MSI2: variants seen among roughly 807,000 people sequenced by gnomAD.
MSI2 encodes the protein RNA-binding protein Musashi homolog 2.
MSI2 carries 17 observed loss-of-function variants against 45.6 expected under a neutral mutation model. The ratio of observed to expected loss-of-function variants is 0.37; its 90% CI spans 0.26 to 0.56. MSI2 has a LOEUF of 0.56. Ranked by LOEUF, MSI2 falls within the 20% of genes least tolerant of loss-of-function variation. The pLI is 0.77. For synonymous variants in MSI2, 156 were observed against 158.2 expected (o/e 0.99, Z 0.11); for missense variants, 293 against 444.2 (o/e 0.66, Z 3.06).
intron 5 of MSI2, among the ~76,000 whole-genome samples, chr17:57,320,852 T>C (rs1258216263): frequency 1.3e-5 from 2 of 152,116 alleles, no homozygotes; most frequent in Admixed American, 6.5e-5. Flanking sequence ...TACAAAGGGC[T>C]CTGGCAGCTG....
At chr17:57,590,519 T>C (rs566204540) in intron 7 of MSI2, among the ~76,000 whole-genome samples, 6 of 152,254 alleles carry the variant, frequency 3.9e-5, no homozygotes, top group Non-Finnish European at 7.3e-5. Flanking sequence ...GTTAAATGCT[T>C]ATCTCTTAAA....
chr17:57,366,959 A>G (rs971489578), intron 5 of MSI2, among the ~76,000 whole-genome samples: 2 of 152,136 alleles, frequency 1.3e-5, no homozygotes, highest in Non-Finnish European at 2.9e-5. Flanking sequence ...CCTCTCTCCT[A>G]TCTAAATATA....
At chr17:57,349,173 G>T (rs62058055) in intron 5 of MSI2, among the ~76,000 whole-genome samples, 1 of 152,028 alleles carries the variant, frequency 6.6e-6, no homozygotes, top group African/African-American at 2.4e-5. Flanking sequence ...CCAGGCTCTC[G>T]TCTCGGAGCC....
intron 5 of MSI2, among the ~76,000 whole-genome samples, chr17:57,344,944 TC>T (rs34173212): frequency 0.094 from 14,230 of 152,148 alleles, 821 homozygotes; most frequent in Non-Finnish European, 0.14. Flanking sequence ...GTGCCTGTAA[TC>T]CCAGCTACTC....
intron 8 of MSI2, among the ~76,000 whole-genome samples, chr17:57,603,372 T>C (rs1906135587): frequency 2.6e-5 from 4 of 152,204 alleles, no homozygotes; most frequent in African/African-American, 9.6e-5. Context: ...CAAGAGAGCC[T>C]TGGAACCTGA....
chr17:57,594,793 G>A (rs888326889), intron 7 of MSI2, among the ~76,000 whole-genome samples: 2 of 150,554 alleles, frequency 1.3e-5, no homozygotes, highest in Non-Finnish European at 2.9e-5. Flanking sequence ...CTTTTACTGG[G>A]TGACACTGGG....
At chr17:57,692,800 A>G in the MSI2 span, among the ~76,000 whole-genome samples, 1 of 151,444 alleles carries the variant, frequency 6.6e-6, no homozygotes, top group Admixed American at 6.6e-5. Context: ...TTGATGCTAA[A>G]TCTACTGTTG....
chr17:57,353,372 G>C (rs1473808514), intron 5 of MSI2, among the ~76,000 whole-genome samples: 1 of 152,132 alleles, frequency 6.6e-6, no homozygotes, highest in Non-Finnish European at 1.5e-5. Context: ...TGATTGATTC[G>C]ATGTGATTCC....
chr17:57,319,168 G>A (rs1288476190), intron 5 of MSI2, among the ~76,000 whole-genome samples: 1 of 152,254 alleles, frequency 6.6e-6, no homozygotes, highest in Non-Finnish European at 1.5e-5. Flanking sequence ...TGGTTGTAAA[G>A]GAGGTGTTCA....
upstream of MSI2, among the ~76,000 whole-genome samples, chr17:57,256,246 C>A (rs1401994332): frequency 6.6e-6 from 1 of 151,908 alleles, no homozygotes; most frequent in Non-Finnish European, 1.5e-5. Flanking sequence ...GGTGCGCTCC[C>A]CCTCGCCCTG....
chr17:57,633,142 CT>C (rs1326263855), intron 10 of MSI2: 5 of 1,022,364 alleles, frequency 4.9e-6, no homozygotes, highest in Admixed American at 5.8e-5. Context: ...TTTTTTTCCC[CT>C]GTAAGCAACC....
At chr17:57,335,125 A>G (rs921032230) in intron 5 of MSI2, among the ~76,000 whole-genome samples, 2 of 152,202 alleles carry the variant, frequency 1.3e-5, no homozygotes, top group Non-Finnish European at 1.5e-5. Flanking sequence ...CTCTCTGGAC[A>G]TATTTTGGCT....
chr17:57,456,393 A>T (rs2085115411), intron 6 of MSI2, among the ~76,000 whole-genome samples: 1 of 152,172 alleles, frequency 6.6e-6, no homozygotes, highest in Admixed American at 6.5e-5. Flanking sequence ...GTGGATCACG[A>T]GATCAGGAGT....
At chr17:57,437,489 G>C (rs1448860068) in intron 6 of MSI2, among the ~76,000 whole-genome samples, 1 of 152,166 alleles carries the variant, frequency 6.6e-6, no homozygotes, top group Non-Finnish European at 1.5e-5. Context: ...ATTGGGGGTT[G>C]AATTATTGGG....
intron 6 of MSI2, among the ~76,000 whole-genome samples, chr17:57,416,537 A>G (rs568595323): frequency 2.0e-5 from 3 of 152,290 alleles, no homozygotes; most frequent in East Asian, 1.9e-4. Flanking sequence ...CTTCTCGTGG[A>G]CTGGGATTTT....
intron 6 of MSI2, among the ~76,000 whole-genome samples, chr17:57,515,356 AC>A (rs2086449242): frequency 6.6e-6 from 1 of 152,008 alleles, no homozygotes; most frequent in African/African-American, 2.4e-5. Flanking sequence ...GGCGCCTGTC[AC>A]CATGCTGGGC....
Position 57,674,964 on chromosome 17 carries a change from C to G in MSI2, c.791-8C>G. The G allele has an allele frequency of 6.2e-7, 1 of 1,613,060 alleles. No homozygotes were observed. On this transcript the variant is annotated splice_region_variant and splice_polypyrimidine_tract_variant and intron_variant, in intron 11 of 13. Coordinates refer to ENST00000284073, the MANE Select transcript of MSI2 (RefSeq NM_138962.4). The stretch of plus-strand genomic sequence containing the variant: ...AACCGAATTTTGGCGCGCCCGCTTC[C>G]CCGGCAGGCTCCAACCCGGCGCGGC...
chr17:57,271,522 C>G (rs954012162), intron 5 of MSI2, among the ~76,000 whole-genome samples: 5 of 152,054 alleles, frequency 3.3e-5, no homozygotes, highest in African/African-American at 1.2e-4. Context: ...ATGATGCATT[C>G]TGGGGAGAGA....
intron 5 of MSI2, among the ~76,000 whole-genome samples, chr17:57,307,313 T>C (rs1423317570): frequency 6.6e-6 from 1 of 152,196 alleles, no homozygotes; most frequent in Non-Finnish European, 1.5e-5. Context: ...ACCCAGTCTG[T>C]TGAAGGCCTT....
Sources: gnomAD v4.1 joint callset for allele counts (sites outside exome capture counted in the v4.1 genomes callset) on GRCh38, gnomAD v4.1.1 for gene constraint, MANE v1.5 for transcripts, NCBI Gene and HGNC (gene_info 2026-07-23, HGNC 2026-07-21) for gene names.